FAM135A: variants seen among roughly 807,000 people sequenced by gnomAD.
FAM135A encodes the protein family with sequence similarity 135 member A, also known as protein FAM135A.
FAM135A carries 79 observed loss-of-function variants against 146.8 expected under a neutral mutation model. That is an observed-to-expected ratio of 0.54 (90% CI 0.45 to 0.65). The LOEUF (loss-of-function observed/expected upper bound fraction) is 0.65. FAM135A is among the 30% of genes least tolerant of loss of function. The probability of loss-of-function intolerance (pLI) is 0.00; values close to 1 mark genes in which losing one functional copy is unlikely to be tolerated. For missense variants in FAM135A, 1,623 were observed against 1,758.2 expected, an observed-to-expected ratio of 0.92 and a Z score of 1.38; for synonymous variants, 562 against 603.6, an observed-to-expected ratio of 0.93 and a Z score of 1.01.
At position 70,480,931 on chromosome 6, in the gene FAM135A, A is replaced by G. The variant is rs772327282; in HGVS notation, c.573A>G (p.Leu191=). 6.2e-7 allele frequency: 1 copy of G among 1,612,302 alleles called. No homozygotes were observed. The highest frequency in any genetic ancestry group is 1.3e-5 in the African/African-American group (1 of 74,966). The change falls in exon 9 of 22, where the codon TTA becomes TTG. Residue 191 remains leucine (L), a synonymous_variant. Coordinates refer to ENST00000418814, the MANE Select transcript of FAM135A (RefSeq NM_001162529.3). ...SFPRPVKTTW[L]NRNAPAQNKD... ...CTCGCCCTGTGAAGACAACTTGGTT[A>G]AATAGAAATGCACCAGCACAAAACA...
intron 12 of FAM135A, among the ~76,000 whole-genome samples, chr6:70,518,703 A>G (rs560939249): frequency 2.3e-4 from 35 of 152,352 alleles, no homozygotes; most frequent in African/African-American, 8.4e-4. Context: ...ACTCTGCTGC[A>G]TTAACAAAAC....
intron 1 of FAM135A, chr6:70,413,970 C>A (rs1562372803): frequency 4.1e-6 from 4 of 985,694 alleles, no homozygotes; most frequent in Non-Finnish European, 3.6e-6. Context: ...CCTGCCCCTG[C>A]GCGCGTCCCT....
At chr6:70,414,367 A>G (rs1404637791) in intron 1 of FAM135A, among the ~76,000 whole-genome samples, 1 of 151,768 alleles carries the variant, frequency 6.6e-6, no homozygotes, top group African/African-American at 2.4e-5. Context: ...GCCCCATCTT[A>G]GCTTCGGAAA....
At chr6:70,532,553 C>T (rs1193234933) in intron 16 of FAM135A, among the ~76,000 whole-genome samples, 1 of 152,004 alleles carries the variant, frequency 6.6e-6, no homozygotes, top group Non-Finnish European at 1.5e-5. Flanking sequence ...CTACTGTAGC[C>T]GGGAGTCACC....
intron 12 of FAM135A, chr6:70,504,388 C>G (rs1456079746): frequency 1.3e-5 from 2 of 152,096 alleles, no homozygotes; most frequent in African/African-American, 4.8e-5. Flanking sequence ...GATCCTCTCT[C>G]ATTTCATGGT....
chr6:70,456,942 A>G lies in FAM135A; in HGVS notation c.157+4371A>G, dbSNP rs550086263. On this transcript the variant is annotated intron_variant, in intron 5 of 21. Transcript: ENST00000418814. ...CCTTTTCAGGCGTGGTAGTGGCATT[A>G]TCTTGGTTAACAATAGTTTAGAATT... Among the ~76,000 whole-genome samples, 10 of 152,296 alleles carry G rather than the reference A, an allele frequency of 6.6e-5. No individual in the cohort carries two copies. In the East Asian group the frequency reaches 1.9e-3, roughly 29 times the overall value.
chr6:70,491,044 T>A lies in FAM135A; in HGVS notation c.834T>A (p.Asp278Glu). 1.2e-6 allele frequency: 2 copies of A among 1,600,904 alleles called. No individual in the cohort carries two copies. Among genetic ancestry groups the A allele is most frequent in the Non-Finnish European group, 1.7e-6 (2 of 1,174,706 alleles). The change falls in exon 11 of 22, where the codon GAT becomes GAA. Residue 278 changes from aspartate (D) to glutamate (E), a missense_variant. This residue lies in a region of FAM135A where 206 missense variants were observed against 194.7 expected (regional missense o/e 1.06). Coordinates refer to ENST00000418814, the MANE Select transcript of FAM135A (RefSeq NM_001162529.3). Reference protein sequence around the residue: ...SCQKLELEEMDVEARLTELCE... With the variant: ...SCQKLELEEMEVEARLTELCE... ...CTTTACTCCTTCCAGAGGAAATGGATGTAGAAGCTCGACTTACTGAACTAT... is the reference window on the plus strand; with the variant it reads ...CTTTACTCCTTCCAGAGGAAATGGAAGTAGAAGCTCGACTTACTGAACTAT...
At chr6:70,435,101 A>G (rs1011989233) in intron 4 of FAM135A, among the ~76,000 whole-genome samples, 1 of 120,002 alleles carries the variant, frequency 8.3e-6, no homozygotes, top group Non-Finnish European at 1.8e-5. Context: ...ATATATATAT[A>G]TATATATATT....
intron 16 of FAM135A, among the ~76,000 whole-genome samples, chr6:70,529,157 C>T (rs971030585): frequency 6.6e-6 from 1 of 151,768 alleles, no homozygotes; most frequent in African/African-American, 2.4e-5. Flanking sequence ...CTAGAAAAAT[C>T]GGTATTTCTA....
At chr6:70,484,951 A>C (rs1209425401) in intron 10 of FAM135A, among the ~76,000 whole-genome samples, 1 of 152,212 alleles carries the variant, frequency 6.6e-6, no homozygotes, top group African/African-American at 2.4e-5. Flanking sequence ...GGGCTTATAG[A>C]TGTAATATAG....
intron 19 of FAM135A, 88 bp downstream of exon 19, chr6:70,536,499 G>T: frequency 9.0e-7 from 1 of 1,108,730 alleles, no homozygotes; most frequent in Non-Finnish European, 1.2e-6. Context: ...TTTAGAACCA[G>T]TTTGTCACAT....
In FAM135A at chr6:70,523,848, G is replaced by T. The variant is rs2295200; in HGVS notation, c.1104-119G>T. 0.16 allele frequency: 154,461 copies of T among 942,132 alleles called. 13,065 individuals are homozygous for T. The highest frequency in any genetic ancestry group is 0.19 in the African/African-American group (10,998 of 58,108). 58.4% of individuals were successfully genotyped at this position (942,132 alleles called of 1,614,324 possible). On this transcript the variant is annotated intron_variant, in intron 13 of 21. Coordinates refer to ENST00000418814, the MANE Select transcript of FAM135A (RefSeq NM_001162529.3). Reference sequence around the variant, plus strand: ...GACCAAGCAGCTCTCTCATAAGAAGGTTATGTCTTGCAGATGAGGGATAGG... The same window carrying T: ...GACCAAGCAGCTCTCTCATAAGAAGTTTATGTCTTGCAGATGAGGGATAGG...
intron 11 of FAM135A, among the ~76,000 whole-genome samples, chr6:70,500,785 TGTTTGCCTGGGTATCA>T (rs1306817042): frequency 6.6e-6 from 1 of 152,204 alleles, no homozygotes; most frequent in Non-Finnish European, 1.5e-5. Context: ...CTCCAGGCCC[TGTTTGCCTGGGTATCA>T]CCAGTGGAGG....
At chr6:70,425,200 T>TA (rs1188676824) in intron 2 of FAM135A, among the ~76,000 whole-genome samples, 3 of 151,882 alleles carry the variant, frequency 2.0e-5, no homozygotes, top group African/African-American at 7.2e-5. Context: ...CTATACCTCA[T>TA]ACTTACTACA....
chr6:70,449,134 T>A (rs79294577), intron 4 of FAM135A, among the ~76,000 whole-genome samples: 118 of 152,338 alleles, frequency 7.7e-4, no homozygotes, highest in Admixed American at 2.0e-3. Context: ...TTTCATATTT[T>A]AAAATTTTTT....
At chr6:70,533,315 G>T (rs1796178101) in intron 17 of FAM135A, 64 bp downstream of exon 17, 2 of 1,292,628 alleles carry the variant, frequency 1.5e-6, no homozygotes, top group Admixed American at 4.6e-5. Flanking sequence ...CCTAAATTTT[G>T]CCTTACTACA....
chr6:70,449,414 A>T (rs547429583), intron 4 of FAM135A, among the ~76,000 whole-genome samples: 1 of 152,206 alleles, frequency 6.6e-6, no homozygotes, highest in South Asian at 2.1e-4. Context: ...CCCAATCCCC[A>T]ACTCCCAGCC....
intron 15 of FAM135A, among the ~76,000 whole-genome samples, chr6:70,527,312 A>G (rs570459408): frequency 1.3e-5 from 2 of 152,186 alleles, no homozygotes; most frequent in Non-Finnish European, 2.9e-5. Context: ...AAAATATTCT[A>G]TTGCCTCAGC....
At chr6:70,441,825 C>T (rs1227798429) in intron 4 of FAM135A, among the ~76,000 whole-genome samples, 1 of 151,862 alleles carries the variant, frequency 6.6e-6, no homozygotes, top group African/African-American at 2.4e-5. Flanking sequence ...GCTGGGATTA[C>T]AGGCGCCCAC....
Sources: gnomAD v4.1 joint callset for allele counts (sites outside exome capture counted in the v4.1 genomes callset) on GRCh38, gnomAD v4.1.1 for gene constraint, gnomAD v4.1.1 regional missense constraint, MANE v1.5 for transcripts, NCBI Gene and HGNC (gene_info 2026-07-23, HGNC 2026-07-21) for gene names.